Variants in LRBA observed in about 807,000 individuals in gnomAD.
LRBA encodes lipopolysaccharide-responsive and beige-like anchor protein.
A neutral mutation model predicts 330.0 loss-of-function variants in LRBA; 176 were observed. The ratio of observed to expected loss-of-function variants is 0.53; its 90% CI spans 0.47 to 0.60. The LOEUF (loss-of-function observed/expected upper bound fraction) is 0.60. Among genes scored for constraint, LRBA ranks in the 20% least tolerant of loss-of-function variants. The pLI, the probability that LRBA is intolerant of heterozygous loss-of-function variation, is 0.00. For missense variants in LRBA, 3,259 were observed against 3,444.8 expected, an observed-to-expected ratio of 0.95 and a Z score of 1.35; for synonymous variants, 1,230 against 1,193.0, an observed-to-expected ratio of 1.03 and a Z score of -0.64.
At chr4:150,898,225 T>C (rs1730326988) in intron 14 of LRBA, among the ~76,000 whole-genome samples, 1 of 152,118 alleles carries the variant, frequency 6.6e-6, no homozygotes, top group Non-Finnish European at 1.5e-5. Context: ...TATTATTATA[T>C]GTGAATTCAG....
chr4:150,661,812 A>G (rs575246245), intron 37 of LRBA, among the ~76,000 whole-genome samples: 39 of 151,968 alleles, frequency 2.6e-4, no homozygotes, highest in East Asian at 7.8e-4. Context: ...TAGTAGAGAT[A>G]GGGTTTCACC....
intron 36 of LRBA, among the ~76,000 whole-genome samples, chr4:150,689,026 A>G (rs1375161059): frequency 6.6e-6 from 1 of 152,222 alleles, no homozygotes; most frequent in Non-Finnish European, 1.5e-5. Context: ...TTACTGCGGC[A>G]CTATACACAA....
chr4:150,389,116 A>T (rs956902568), intron 47 of LRBA, among the ~76,000 whole-genome samples: 22 of 152,188 alleles, frequency 1.4e-4, no homozygotes, highest in African/African-American at 5.3e-4. Flanking sequence ...TTTGTAAAAG[A>T]TCCAAAAGAA....
chr4:150,498,748 A>G (rs1208351817), intron 40 of LRBA, among the ~76,000 whole-genome samples: 1 of 152,198 alleles, frequency 6.6e-6, no homozygotes, highest in Admixed American at 6.5e-5. Flanking sequence ...ATTGTGAACG[A>G]GGCATAAAAG....
intron 2 of LRBA, among the ~76,000 whole-genome samples, chr4:150,954,011 A>T (rs149173216): frequency 9.5e-6 from 1 of 105,092 alleles, no homozygotes; most frequent in South Asian, 3.7e-4. Flanking sequence ...CTGACCGGCC[A>T]CCCCGTCTGA....
chr4:150,738,588 CAAT>C (rs1206462152), intron 35 of LRBA, among the ~76,000 whole-genome samples: 1 of 151,962 alleles, frequency 6.6e-6, no homozygotes, highest in Non-Finnish European at 1.5e-5. Context: ...TGAATGTTTA[CAAT>C]AATTATGTAA....
chr4:150,755,467 T>G lies in LRBA; in HGVS notation c.5645+6316A>C, dbSNP rs751256900. On this transcript the variant is annotated intron_variant, in intron 35 of 56. Coordinates refer to ENST00000651943, the MANE Select transcript of LRBA (RefSeq NM_001364905.1). ...AGTTGTAAGAGGCTATGAAAGCTCT[T>G]AAAATGTGTTTTTATTAAATTAAAC... is the stretch of plus-strand genomic sequence containing the variant. Among the ~76,000 whole-genome samples the G allele has an allele frequency of 2.3e-4, 35 of 152,202 alleles. 1 individual carries two copies. Among genetic ancestry groups the G allele is most frequent in the Non-Finnish European group, 4.6e-4 (31 of 68,046 alleles).
intron 42 of LRBA, among the ~76,000 whole-genome samples, chr4:150,478,258 T>C (rs1034221114): frequency 1.3e-5 from 2 of 152,110 alleles, no homozygotes; most frequent in Non-Finnish European, 2.9e-5. Context: ...TATTCAACAT[T>C]TCAATCTGGA....
At chr4:150,513,813 G>A (rs1401241407) in intron 40 of LRBA, among the ~76,000 whole-genome samples, 4 of 152,162 alleles carry the variant, frequency 2.6e-5, no homozygotes, top group African/African-American at 9.7e-5. Flanking sequence ...TCTATCTCCA[G>A]ATTCAGTCAC....
At chr4:150,838,261 T>G (rs1436244130) in intron 28 of LRBA, among the ~76,000 whole-genome samples, 1 of 152,186 alleles carries the variant, frequency 6.6e-6, no homozygotes, top group Non-Finnish European at 1.5e-5. Flanking sequence ...ATTTCACAAT[T>G]ATGTGTCTTG....
intron 34 of LRBA, among the ~76,000 whole-genome samples, chr4:150,785,221 C>T (rs998460076): frequency 2.0e-5 from 3 of 151,624 alleles, no homozygotes; most frequent in South Asian, 2.1e-4. Flanking sequence ...TAGTTCGGGG[C>T]GGGGGCGTGG....
intron 40 of LRBA, among the ~76,000 whole-genome samples, chr4:150,502,142 T>C (rs980088415): frequency 6.6e-6 from 1 of 152,086 alleles, no homozygotes; most frequent in South Asian, 2.1e-4. Context: ...AAGAAAACAA[T>C]GTGAGACCAG....
At chr4:151,010,514 G>C (rs1174637222) in intron 2 of LRBA, among the ~76,000 whole-genome samples, 4 of 151,892 alleles carry the variant, frequency 2.6e-5, no homozygotes, top group African/African-American at 9.7e-5. Flanking sequence ...TATAAACAGG[G>C]TAGTAAATTT....
chr4:150,953,653 C>T (rs978401081), intron 2 of LRBA, among the ~76,000 whole-genome samples: 3 of 152,116 alleles, frequency 2.0e-5, no homozygotes, highest in Non-Finnish European at 4.4e-5. Context: ...CAGAGTCTCA[C>T]TCACTGAGTG....
At chr4:150,497,914 C>T (rs1479257426) in intron 40 of LRBA, among the ~76,000 whole-genome samples, 5 of 152,138 alleles carry the variant, frequency 3.3e-5, no homozygotes, top group Admixed American at 6.6e-5. Flanking sequence ...TCATATTTCA[C>T]GGGCTCCCAT....
At chr4:150,801,066 A>G (rs1357281172) in intron 33 of LRBA, among the ~76,000 whole-genome samples, 1 of 152,166 alleles carries the variant, frequency 6.6e-6, no homozygotes, top group Non-Finnish European at 1.5e-5. Flanking sequence ...ACTATTTACT[A>G]TCTGGAATAT....
intron 30 of LRBA, among the ~76,000 whole-genome samples, chr4:150,826,049 G>A (rs1746228889): frequency 6.6e-6 from 1 of 152,090 alleles, no homozygotes; most frequent in Admixed American, 6.6e-5. Context: ...TGAAAATGCA[G>A]CTTTTATGTG....
Position 150,265,614 on chromosome 4 carries a change from T to C in LRBA, c.*108A>G. 1 of 708,536 alleles carries C rather than the reference T, an allele frequency of 1.4e-6. No individual in the cohort carries two copies. The highest frequency in any genetic ancestry group is 1.8e-5 in the South Asian group (1 of 55,538). The allele number at this position is 708,536 out of a possible 1,614,324, so 43.9% of individuals were successfully genotyped here. A position where few individuals can be genotyped will look rare whatever the true frequency, so the allele number is the denominator to read the frequency against. ...AATTATTAATAACTTTAAAAAATAT[T>C]TTGCTTCTTTGAGCAAATTTAAGTT... On this transcript the variant is annotated 3_prime_UTR_variant, in exon 57 of 57. Coordinates refer to ENST00000651943, the MANE Select transcript of LRBA (RefSeq NM_001364905.1).
Position 150,851,899 on chromosome 4 carries a change from G to A in LRBA, c.3811C>T (p.Arg1271Ter), listed in dbSNP as rs1560914625. 1.2e-6 allele frequency: 2 copies of A among 1,607,958 alleles called. No homozygotes were observed. Among genetic ancestry groups the A allele is most frequent in the Non-Finnish European group, 1.7e-6 (2 of 1,176,702 alleles). Residue 1271 changes from arginine (R) to a stop codon, truncating the protein, a stop_gained, in exon 23 of 57, where the codon CGA (arginine) becomes TGA (stop). Coordinates refer to ENST00000651943, the MANE Select transcript of LRBA (RefSeq NM_001364905.1). LOFTEE classifies it high-confidence loss of function. ...TATAAAATCACCTCAAGCACATGTC[G>A]ATGAGGTTGAGGTGCTTCCACGTTG... ...SPNVEAPQPH[R>*]HVLEISRQHE...
Sources: gnomAD v4.1 joint callset for allele counts (sites outside exome capture counted in the v4.1 genomes callset) on GRCh38, gnomAD v4.1.1 for gene constraint, MANE v1.5 for transcripts, NCBI Gene and HGNC (gene_info 2026-07-23, HGNC 2026-07-21) for gene names.